The following KIDINS220 variants were observed in gnomAD, a reference collection of about 807,000 sequenced individuals.
KIDINS220 encodes the protein kinase D-interacting substrate of 220 kDa.
A neutral mutation model predicts 157.6 loss-of-function variants in KIDINS220; 63 were observed. That is an observed-to-expected ratio of 0.40 (90% CI 0.33 to 0.49). The LOEUF is 0.49. KIDINS220 is among the 20% of genes least tolerant of loss of function. The pLI is 0.66. For synonymous variants in KIDINS220, 732 were observed against 783.6 expected, an observed-to-expected ratio of 0.93 and a Z score of 1.10; for missense variants, 1,772 against 2,171.2, an observed-to-expected ratio of 0.82 and a Z score of 3.65.
intron 5 of KIDINS220, 32 bp from the exon 6 acceptor site, chr2:8,812,525 G>A (rs1267552968): frequency 7.9e-7 from 1 of 1,265,714 alleles, no homozygotes; most frequent in Non-Finnish European, 1.1e-6. Context: ...TAGGTAGGTA[G>A]ATAAGTAGGA....
intron 6 of KIDINS220, among the ~76,000 whole-genome samples, chr2:8,808,915 A>G (rs1416371244): frequency 6.6e-6 from 1 of 152,186 alleles, no homozygotes; most frequent in Non-Finnish European, 1.5e-5. Context: ...AAACCCCCCT[A>G]AAAAACTAGT....
chr2:8,784,579 A>C (rs890275370), intron 17 of KIDINS220, among the ~76,000 whole-genome samples: 3 of 152,220 alleles, frequency 2.0e-5, no homozygotes, highest in African/African-American at 7.2e-5. Context: ...GAAAATGAAC[A>C]ACCTGACTGA....
chr2:8,805,604 A>G (rs1675333929), intron 7 of KIDINS220, among the ~76,000 whole-genome samples: 1 of 152,210 alleles, frequency 6.6e-6, no homozygotes, highest in Non-Finnish European at 1.5e-5. Flanking sequence ...TTATTGCTGT[A>G]GTCACTTATG....
At chr2:8,790,923 A>G (rs1164883081) in intron 13 of KIDINS220, 137 bp downstream of exon 13, 1 of 640,130 alleles carries the variant, frequency 1.6e-6, no homozygotes, top group Non-Finnish European at 2.5e-6. Flanking sequence ...TGAAGGACCA[A>G]CCAGAGGGGA....
intron 12 of KIDINS220, among the ~76,000 whole-genome samples, chr2:8,793,293 G>A (rs1219392168): frequency 6.6e-6 from 1 of 151,992 alleles, no homozygotes; most frequent in Admixed American, 6.6e-5. Context: ...GGATCACTCA[G>A]CCCCAGACTA....
intron 1 of KIDINS220, among the ~76,000 whole-genome samples, chr2:8,836,713 A>G (rs996168507): frequency 3.3e-5 from 5 of 152,152 alleles, no homozygotes; most frequent in Non-Finnish European, 7.3e-5. Flanking sequence ...TGTTGTCAAA[A>G]TGTGGACAGG....
intron 13 of KIDINS220, among the ~76,000 whole-genome samples, chr2:8,790,831 G>A (rs955519334): frequency 2.6e-5 from 4 of 152,074 alleles, no homozygotes; most frequent in Non-Finnish European, 4.4e-5. Context: ...TGAAGGGCCC[G>A]AAAAAAACTT....
chr2:8,814,566 T>C (rs1225066975), intron 4 of KIDINS220, among the ~76,000 whole-genome samples: 1 of 152,150 alleles, frequency 6.6e-6, no homozygotes, highest in African/African-American at 2.4e-5. Context: ...CTAATTAATG[T>C]ACAACATATG....
At chr2:8,769,938 G>A (rs1263815871) in intron 22 of KIDINS220, among the ~76,000 whole-genome samples, 4 of 152,218 alleles carry the variant, frequency 2.6e-5, no homozygotes, top group Non-Finnish European at 5.9e-5. Flanking sequence ...AAACCTAGAA[G>A]AGCTCAAATC....
intron 21 of KIDINS220, among the ~76,000 whole-genome samples, chr2:8,771,791 C>G (rs547467927): frequency 7.2e-5 from 11 of 152,220 alleles, no homozygotes; most frequent in African/African-American, 2.7e-4. Flanking sequence ...TCTGCTCATA[C>G]ACAGAAATTA....
In KIDINS220 at chr2:8,778,657, C is replaced by T. The variant is rs1273222191; in HGVS notation, c.2685G>A (p.Lys895=). 6.2e-7 allele frequency: 1 copy of T among 1,613,696 alleles called. No homozygotes were observed. The highest frequency in any genetic ancestry group is 8.5e-7 in the Non-Finnish European group (1 of 1,179,596). ...SLGEMTKLGS[K]TALNRRDTYR... is the part of the protein sequence containing the mutation. Reference sequence around the variant, plus strand: ...ATCTTACCCGTCTATTGAGGGCTGTCTTGCTACCAAGTTTTGTCATCTCCC... The same window carrying T: ...ATCTTACCCGTCTATTGAGGGCTGTTTTGCTACCAAGTTTTGTCATCTCCC... Residue 895 remains lysine (K), a synonymous_variant, in exon 20 of 30, where the codon AAG becomes AAA. Transcript: ENST00000256707.
chr2:8,763,302 T>C (rs1669019290), intron 22 of KIDINS220, among the ~76,000 whole-genome samples: 1 of 152,182 alleles, frequency 6.6e-6, no homozygotes, highest in Non-Finnish European at 1.5e-5. Flanking sequence ...ATTCCTTATC[T>C]GAAATGCTTG....
At chr2:8,823,135 A>G (rs1271601948) in intron 2 of KIDINS220, among the ~76,000 whole-genome samples, 1 of 151,994 alleles carries the variant, frequency 6.6e-6, no homozygotes, top group Admixed American at 6.6e-5. Flanking sequence ...ACACCTGGCT[A>G]ATATTTTTTA....
intron 22 of KIDINS220, among the ~76,000 whole-genome samples, chr2:8,767,261 T>G (rs1291979377): frequency 1.3e-5 from 2 of 152,148 alleles, no homozygotes; most frequent in African/African-American, 4.8e-5. Context: ...ACAATAATTA[T>G]ATAAAAGATA....
intron 17 of KIDINS220, among the ~76,000 whole-genome samples, chr2:8,784,317 T>C (rs1672102034): frequency 6.6e-6 from 1 of 151,914 alleles, no homozygotes; most frequent in African/African-American, 2.4e-5. Flanking sequence ...ATAAAACACC[T>C]AGAAAATGAC....
chr2:8,756,597 C>T (rs1489391969), intron 22 of KIDINS220, among the ~76,000 whole-genome samples: 1 of 152,128 alleles, frequency 6.6e-6, no homozygotes, highest in Non-Finnish European at 1.5e-5. Flanking sequence ...AGTCAGAGAT[C>T]AAAGTGCCAG....
At chr2:8,761,824 G>C (rs1036364285) in intron 22 of KIDINS220, among the ~76,000 whole-genome samples, 5 of 152,196 alleles carry the variant, frequency 3.3e-5, no homozygotes, top group African/African-American at 1.2e-4. Flanking sequence ...CCAGCAGCTA[G>C]ACATTTTCTT....
At chr2:8,727,792 T>C (rs1663486519), downstream of KIDINS220, among the ~76,000 whole-genome samples, 1 of 152,246 alleles carries the variant, frequency 6.6e-6, no homozygotes, top group African/African-American at 2.4e-5. Flanking sequence ...CACATTTTGC[T>C]TTTAATATTG....
Position 8,813,335 on chromosome 2 carries a change from C to A in KIDINS220, c.307G>T (p.Gly103Ter). The A allele has an allele frequency of 6.2e-7, 1 of 1,603,522 alleles. No homozygotes were observed. Among genetic ancestry groups the A allele is most frequent in the Admixed American group, 1.7e-5 (1 of 57,704 alleles). The change falls in exon 5 of 30, where the codon GGA becomes TGA. Residue 103 changes from glycine to a stop codon, truncating the protein, a stop_gained and splice_region_variant. Coordinates refer to ENST00000256707, the MANE Select transcript of KIDINS220 (RefSeq NM_020738.4). LOFTEE classifies it high-confidence loss of function. Reference sequence around the variant, plus strand: ...GCCCACATAAGAGCTGTCCATCCTCCCTAAACAAAAAATGTAGGGGTAAGG... The same window carrying A: ...GCCCACATAAGAGCTGTCCATCCTCACTAAACAAAAAATGTAGGGGTAAGG... ...CGVNLEHRDM[G>*]GWTALMWACY...
Sources: allele counts gnomAD v4.1 joint callset (sites outside exome capture counted in the v4.1 genomes callset), GRCh38; gene constraint gnomAD v4.1.1; transcripts MANE v1.5; gene names NCBI Gene and HGNC (gene_info 2026-07-23, HGNC 2026-07-21).